The following ZFP69 variants were observed in gnomAD, a reference collection of about 807,000 sequenced individuals.
The protein encoded by ZFP69 is zinc finger protein 69 homolog.
A neutral mutation model predicts 48.9 loss-of-function variants in ZFP69; 35 were observed. The observed-to-expected ratio is 0.72, with a 90% CI of 0.55 to 0.95. ZFP69 has a LOEUF of 0.95. ZFP69 is among the 40% of genes least tolerant of loss of function. The pLI, the probability that ZFP69 is intolerant of heterozygous loss-of-function variation, is 0.00. For missense variants in ZFP69, 557 were observed against 638.4 expected (o/e 0.87, Z 1.37); for synonymous variants, 193 against 216.8 (o/e 0.89, Z 0.96).
chr1:40,491,920 T>C (rs1031720063), intron 5 of ZFP69, among the ~76,000 whole-genome samples: 2 of 152,174 alleles, frequency 1.3e-5, no homozygotes, highest in African/African-American at 4.8e-5. Context: ...TTAGTGTCTT[T>C]TGTTAGACGT....
In ZFP69 at chr1:40,496,066, A is replaced by T. The variant is rs75198900; in HGVS notation, c.*7A>T. The T allele has an allele frequency of 1.4e-5, 22 of 1,548,870 alleles. No homozygotes were observed. Among genetic ancestry groups the T allele is most frequent in the Non-Finnish European group, 1.8e-5 (21 of 1,150,490 alleles). ...CTTCCGAAATAAGGTGTAAAAACAGATATTTGACTTGAGAACAAAAGCCAA... is the reference window on the plus strand; with the variant it reads ...CTTCCGAAATAAGGTGTAAAAACAGTTATTTGACTTGAGAACAAAAGCCAA... On this transcript the variant is annotated 3_prime_UTR_variant, in exon 6 of 6. Transcript: ENST00000372706.
At chr1:40,481,618 G>C in intron 2 of ZFP69, 145 bp from the exon 3 acceptor site, 1 of 545,326 alleles carries the variant, frequency 1.8e-6, no homozygotes, top group Non-Finnish European at 3.2e-6. Flanking sequence ...CACTAAGGAG[G>C]CTTCAGGCTG....
chr1:40,484,126 A>T (rs947291361), intron 3 of ZFP69, among the ~76,000 whole-genome samples: 2 of 152,282 alleles, frequency 1.3e-5, no homozygotes, highest in Non-Finnish European at 1.5e-5. Context: ...GGTTGGGTCT[A>T]AGTGTATACT....
Position 40,489,071 on chromosome 1 carries a change from T to G in ZFP69, c.220-17T>G. 6.2e-7 allele frequency: 1 copy of G among 1,613,790 alleles called. No individual in the cohort carries two copies. Among genetic ancestry groups the G allele is most frequent in the Non-Finnish European group, 8.5e-7 (1 of 1,179,840 alleles). On this transcript the variant is annotated splice_polypyrimidine_tract_variant and intron_variant, in intron 3 of 5. Coordinates refer to ENST00000372706, the MANE Select transcript of ZFP69 (RefSeq NM_001320179.2). ...GAGGTGGTCTCCGGCTAAAAATGAA[T>G]GTATTTGATGTTCTAGGAATTGTTG...
chr1:40,485,457 C>T (rs1645487175), intron 3 of ZFP69, among the ~76,000 whole-genome samples: 1 of 152,110 alleles, frequency 6.6e-6, no homozygotes, highest in African/African-American at 2.4e-5. Context: ...CATGTAAAAA[C>T]ACCACAGTAT....
chr1:40,494,694 TATAC>T (rs1414428036), intron 5 of ZFP69, among the ~76,000 whole-genome samples: 1 of 144,374 alleles, frequency 6.9e-6, no homozygotes, highest in Non-Finnish European at 1.5e-5. Flanking sequence ...GTATATAAAA[TATAC>T]ATTATATATA....
At chr1:40,494,632 C>T (rs1645608231) in intron 5 of ZFP69, among the ~76,000 whole-genome samples, 1 of 145,054 alleles carries the variant, frequency 6.9e-6, no homozygotes, top group East Asian at 2.0e-4. Context: ...ATAAAATATA[C>T]ATTATATATA....
rs779277679 is a variant in ZFP69, at chr1:40,495,079, C to A, written c.601C>A (p.His201Asn). 6.8e-6 allele frequency: 11 copies of A among 1,613,866 alleles called. No individual in the cohort carries two copies. The highest frequency in any genetic ancestry group is 1.3e-5 in the African/African-American group (1 of 74,860). Residue 201 changes from histidine (H) to asparagine (N), a missense_variant, in exon 6 of 6, where the codon CAC becomes AAC. His to Asn is a moderately conservative substitution (Grantham distance 68). Transcript: ENST00000372706. ...VSTYDDVLER[H>N]QETCMRDVRQ... The stretch of plus-strand genomic sequence containing the variant: ...CACATATGATGATGTCTTAGAAAGG[C>A]ACCAGGAAACTTGTATGAGAGATGT...
At chr1:40,478,507 A>G (rs145701549) in intron 1 of ZFP69, among the ~76,000 whole-genome samples, 2,250 of 152,264 alleles carry the variant, frequency 0.015, 56 homozygotes, top group African/African-American at 0.051. Flanking sequence ...CTGCTTGTTC[A>G]TGCCAAAATG....
Position 40,495,292 on chromosome 1 carries a change from GA to G in ZFP69, c.816del (p.Glu272AspfsTer19), listed in dbSNP as rs1358802699. On this transcript the variant is annotated frameshift_variant, in exon 6 of 6. Transcript: ENST00000372706. LOFTEE classifies it high-confidence loss of function. ...AAGTTACATAAGAACAAAAACCTATGAATGTAATATATGTGAAAAAATCTTC... is the reference window on the plus strand; with the variant it reads ...AAGTTACATAAGAACAAAAACCTATGATGTAATATATGTGAAAAAATCTTC... ...PTSYIRTKTY[E>X]CNICEKIFKQ... The G allele has an allele frequency of 6.2e-7, 1 of 1,613,860 alleles. No individual in the cohort carries two copies. Among genetic ancestry groups the G allele is most frequent in the East Asian group, 2.2e-5 (1 of 44,890 alleles).
chr1:40,485,984 A>G, intron 3 of ZFP69, among the ~76,000 whole-genome samples: 1 of 152,030 alleles, frequency 6.6e-6, no homozygotes, highest in Non-Finnish European at 1.5e-5. Flanking sequence ...GCCCACTGCA[A>G]CCTCCACCTC....
intron 3 of ZFP69, among the ~76,000 whole-genome samples, chr1:40,482,485 TGAAA>T (rs1400520848): frequency 6.6e-6 from 1 of 152,026 alleles, no homozygotes; most frequent in African/African-American, 2.4e-5. Context: ...AGAATAAATG[TGAAA>T]GAAAGACTTA....
At chr1:40,489,472 G>C in intron 4 of ZFP69, 57 bp from the exon 5 acceptor site, 1 of 1,493,894 alleles carries the variant, frequency 6.7e-7, no homozygotes, top group East Asian at 2.3e-5. Context: ...AAATTCTGAG[G>C]ATGGTTCTTA....
At position 40,495,750 on chromosome 1, in the gene ZFP69, G is replaced by A. The variant is rs375276583; in HGVS notation, c.1272G>A (p.Ala424=). Reference sequence around the variant, plus strand: ...GTTGTAAAACCTTTAGTCATAGAGCGTATCTAACACATCACCAGAGAATCC... The same window carrying A: ...GTTGTAAAACCTTTAGTCATAGAGCATATCTAACACATCACCAGAGAATCC... ...TACCKTFSHR[A]YLTHHQRIHT... is the part of the protein sequence containing the mutation. Residue 424 remains alanine (A), a synonymous_variant, in exon 6 of 6, where the codon GCG becomes GCA. Coordinates refer to ENST00000372706, the MANE Select transcript of ZFP69 (RefSeq NM_001320179.2). The A allele has an allele frequency of 7.2e-5, 117 of 1,613,994 alleles. No individual in the cohort carries two copies. Among genetic ancestry groups the A allele is most frequent in the Middle Eastern group, 1.7e-4 (1 of 6,058 alleles).
intron 2 of ZFP69, 101 bp downstream of exon 2, chr1:40,479,589 C>G (rs752466911): frequency 8.6e-6 from 12 of 1,396,082 alleles, no homozygotes; most frequent in African/African-American, 2.9e-5. Flanking sequence ...GAGAGAAGGT[C>G]TCTGGGGGTT....
At chr1:40,482,911 A>G (rs1401487655) in intron 3 of ZFP69, among the ~76,000 whole-genome samples, 2 of 152,210 alleles carry the variant, frequency 1.3e-5, no homozygotes, top group Non-Finnish European at 2.9e-5. Flanking sequence ...TTTCTCAGTA[A>G]TTGATGTAAC....
At chr1:40,492,008 C>T (rs941113453) in intron 5 of ZFP69, among the ~76,000 whole-genome samples, 5 of 151,708 alleles carry the variant, frequency 3.3e-5, no homozygotes, top group African/African-American at 1.2e-4. Flanking sequence ...CCTTTTATGC[C>T]TTATTATTCT....
rs1401509329 is a variant in ZFP69, at chr1:40,489,109, A to G, written c.241A>G (p.Ile81Val). ...CTAGGAATTGTTGACTTTCAAGGAC[A>G]TATCTATTGACTTCACCCAGGAAGA... is the stretch of plus-strand genomic sequence containing the variant. ...ESQELLTFKDISIDFTQEEWG... is the reference protein window; with the variant it reads ...ESQELLTFKDVSIDFTQEEWG... The change falls in exon 4 of 6, where the codon ATA (isoleucine) becomes GTA (valine). Residue 81 changes from isoleucine to valine, a missense_variant. Physicochemically the swap from Ile to Val is conservative, Grantham distance 29. Transcript: ENST00000372706. 4 of 1,614,184 alleles carry G rather than the reference A, an allele frequency of 2.5e-6. No individual in the cohort carries two copies. In the South Asian group the frequency reaches 4.4e-5, roughly 18 times the overall value.
At position 40,495,224 on chromosome 1, in the gene ZFP69, C is replaced by T; in HGVS notation, c.746C>T (p.Thr249Ile). The T allele has an allele frequency of 4.3e-6, 7 of 1,614,074 alleles. No homozygotes were observed. Among genetic ancestry groups the T allele is most frequent in the Non-Finnish European group, 5.9e-6 (7 of 1,180,020 alleles). The change falls in exon 6 of 6, where the codon ACA (threonine) becomes ATA (isoleucine). Residue 249 changes from threonine to isoleucine, a missense_variant. Transcript: ENST00000372706. ...EQRHHKYDTPTKRNTYKLDLI... is the reference protein window; with the variant it reads ...EQRHHKYDTPIKRNTYKLDLI... ...AGGCACCATAAATATGATACACCTA[C>T]AAAGCGGAACACATACAAATTAGAT...
Sources: allele counts gnomAD v4.1 joint callset (sites outside exome capture counted in the v4.1 genomes callset), GRCh38; gene constraint gnomAD v4.1.1; transcripts MANE v1.5; gene names NCBI Gene and HGNC (gene_info 2026-07-23, HGNC 2026-07-21).